Variants in WHRN observed in about 807,000 individuals in gnomAD.
WHRN encodes CASK-interacting protein CIP98.
WHRN carries 41 observed loss-of-function variants against 68.3 expected under a neutral mutation model. The observed-to-expected ratio is 0.60, with a 90% CI of 0.47 to 0.78. WHRN has a LOEUF of 0.78. Among genes scored for constraint, WHRN ranks in the 30% least tolerant of loss-of-function variants. The probability of loss-of-function intolerance (pLI) is 0.00; values close to 1 mark genes in which losing one functional copy is unlikely to be tolerated. For missense variants in WHRN, 1,243 were observed against 1,244.7 expected (o/e 1.00, Z 0.02); for synonymous variants, 560 against 561.3 (o/e 1.00, Z 0.03).
intron 7 of WHRN, among the ~76,000 whole-genome samples, chr9:114,414,149 T>C (rs1416851122): frequency 6.6e-6 from 1 of 152,140 alleles, no homozygotes; most frequent in East Asian, 1.9e-4. Context: ...CAACAAAGCC[T>C]CAGAGGAACT....
In WHRN at chr9:114,454,083, A is replaced by C. The variant is rs76025011; in HGVS notation, c.963+12184T>G. Among the ~76,000 whole-genome samples the C allele has an allele frequency of 2.0e-3, 305 of 152,338 alleles. 7 individuals carry two copies. In the South Asian group the frequency reaches 0.032, roughly 16 times the overall value. On this transcript the variant is annotated intron_variant, in intron 3 of 11. Transcript: ENST00000362057. ...CAGAAAAATACTTTAAAAATTCAAC[A>C]TACATTCAGGATACTCTCTAAACAA...
At chr9:114,475,609 G>A (rs931218762) in intron 2 of WHRN, among the ~76,000 whole-genome samples, 1 of 152,184 alleles carries the variant, frequency 6.6e-6, no homozygotes, top group Non-Finnish European at 1.5e-5. Context: ...CCCACTTCCT[G>A]AGAGGTATAC....
intron 1 of WHRN, among the ~76,000 whole-genome samples, chr9:114,501,686 T>C (rs1843944330): frequency 6.6e-6 from 1 of 152,038 alleles, no homozygotes; most frequent in Non-Finnish European, 1.5e-5. Context: ...ACACATCTTC[T>C]ACTAAATGCA....
intron 1 of WHRN, among the ~76,000 whole-genome samples, chr9:114,487,788 C>T (rs912919227): frequency 2.6e-5 from 4 of 152,312 alleles, no homozygotes; most frequent in East Asian, 1.9e-4. Context: ...AAGCACTATG[C>T]CATCTGGGCC....
At chr9:114,490,347 G>T (rs932882295) in intron 1 of WHRN, among the ~76,000 whole-genome samples, 1 of 152,238 alleles carries the variant, frequency 6.6e-6, no homozygotes, top group Non-Finnish European at 1.5e-5. Context: ...AGATGGCAGA[G>T]AAATGTATGA....
chr9:114,451,874 T>C, intron 3 of WHRN, among the ~76,000 whole-genome samples: 1 of 152,210 alleles, frequency 6.6e-6, no homozygotes, highest in South Asian at 2.1e-4. Flanking sequence ...ACTTAACCTC[T>C]CTGGGCTTCA....
chr9:114,450,958 GGGT>G (rs1412153845), intron 3 of WHRN, among the ~76,000 whole-genome samples: 1 of 152,142 alleles, frequency 6.6e-6, no homozygotes, highest in African/African-American at 2.4e-5. Flanking sequence ...TCTGGGCCAC[GGGT>G]CCCCCTTTTC....
At chr9:114,412,294 A>G (rs1835501109) in intron 7 of WHRN, among the ~76,000 whole-genome samples, 1 of 152,216 alleles carries the variant, frequency 6.6e-6, no homozygotes, top group Non-Finnish European at 1.5e-5. Flanking sequence ...AGGCTTCCAG[A>G]GGAGGCTCAA....
At chr9:114,492,069 G>A (rs180714235) in intron 1 of WHRN, among the ~76,000 whole-genome samples, 5 of 148,938 alleles carry the variant, frequency 3.4e-5, no homozygotes, top group African/African-American at 9.8e-5. Flanking sequence ...AATTAAAACA[G>A]GATACCTTTT....
chr9:114,471,957 C>T (rs1157533587), intron 2 of WHRN, among the ~76,000 whole-genome samples: 1 of 152,334 alleles, frequency 6.6e-6, no homozygotes, highest in East Asian at 1.9e-4. Flanking sequence ...GAGCCCAAGG[C>T]AAGAGCCAAC....
intron 7 of WHRN, among the ~76,000 whole-genome samples, chr9:114,412,443 C>A (rs1835515075): frequency 6.6e-6 from 1 of 152,210 alleles, no homozygotes; most frequent in Non-Finnish European, 1.5e-5. Context: ...CTCCATTAAT[C>A]CTGCCAGATG....
chr9:114,451,324 T>C (rs916036201), intron 3 of WHRN, among the ~76,000 whole-genome samples: 3 of 152,126 alleles, frequency 2.0e-5, no homozygotes, highest in Non-Finnish European at 4.4e-5. Flanking sequence ...ACTAAAAATA[T>C]GTTTTGGGGC....
intron 2 of WHRN, among the ~76,000 whole-genome samples, chr9:114,469,600 C>T (rs1308339959): frequency 6.6e-6 from 1 of 152,206 alleles, no homozygotes; most frequent in East Asian, 1.9e-4. Flanking sequence ...TTCTGGACAC[C>T]TCTGCAGGCC....
At chr9:114,461,005 G>GAAAGTA (rs1374394459) in intron 3 of WHRN, among the ~76,000 whole-genome samples, 1 of 152,176 alleles carries the variant, frequency 6.6e-6, no homozygotes, top group Non-Finnish European at 1.5e-5. Context: ...CCCTGGAAGG[G>GAAAGTA]AAAGTACAAT....
intron 3 of WHRN, among the ~76,000 whole-genome samples, chr9:114,449,695 C>G (rs1159555924): frequency 1.3e-5 from 2 of 152,086 alleles, no homozygotes; most frequent in Non-Finnish European, 2.9e-5. Flanking sequence ...GTGGCAGGTT[C>G]TTGGGAAATA....
intron 3 of WHRN, among the ~76,000 whole-genome samples, chr9:114,458,841 G>A (rs572872704): frequency 6.6e-6 from 1 of 152,342 alleles, no homozygotes; most frequent in Admixed American, 6.5e-5. Flanking sequence ...AATGGTGGCA[G>A]CCAATATCCA....
At chr9:114,496,622 C>T (rs570082985) in intron 1 of WHRN, among the ~76,000 whole-genome samples, 2 of 152,342 alleles carry the variant, frequency 1.3e-5, no homozygotes, top group East Asian at 1.9e-4. Flanking sequence ...TTTTTCATTA[C>T]AATGCTTGCA....
At chr9:114,456,826 C>CAAA (rs58142457) in intron 3 of WHRN, among the ~76,000 whole-genome samples, 1 of 141,290 alleles carries the variant, frequency 7.1e-6, no homozygotes. Context: ...AAGACTATCT[C>CAAA]AAAAAAAAAA....
chr9:114,429,752 C>T (rs1837241302), intron 3 of WHRN, among the ~76,000 whole-genome samples: 1 of 152,198 alleles, frequency 6.6e-6, no homozygotes, highest in Non-Finnish European at 1.5e-5. Context: ...GCCTCTGCAG[C>T]TCCCTCCTCC....
Sources: allele counts gnomAD v4.1 joint callset (sites outside exome capture counted in the v4.1 genomes callset), GRCh38; gene constraint gnomAD v4.1.1; transcripts MANE v1.5; gene names NCBI Gene and HGNC (gene_info 2026-07-23, HGNC 2026-07-21).